The following KLF12 variants were observed in gnomAD, a reference collection of about 807,000 sequenced individuals.
The protein encoded by KLF12 is Krueppel-like factor 12.
Under a neutral mutation model 37.8 loss-of-function variants are expected in KLF12, and 9 were observed. The ratio of observed to expected loss-of-function variants is 0.24; its 90% CI spans 0.14 to 0.42. The LOEUF is 0.42. Among genes scored for constraint, KLF12 ranks in the 10% least tolerant of loss-of-function variants. The pLI is 1.00. For synonymous variants in KLF12, 208 were observed against 202.1 expected (o/e 1.03, Z -0.25); for missense variants, 411 against 516.0 (o/e 0.80, Z 1.97).
chr13:74,066,446 G>C (rs1463894462), intron 1 of KLF12, among the ~76,000 whole-genome samples: 1 of 152,082 alleles, frequency 6.6e-6, no homozygotes, highest in East Asian at 1.9e-4. Flanking sequence ...AGGATCGCTT[G>C]AGCTCAGGAG....
At chr13:73,998,292 T>C (rs930281161) in intron 1 of KLF12, among the ~76,000 whole-genome samples, 1 of 152,298 alleles carries the variant, frequency 6.6e-6, no homozygotes, top group African/African-American at 2.4e-5. Context: ...AAGGTTAGTG[T>C]TTAATACATT....
intron 5 of KLF12, among the ~76,000 whole-genome samples, chr13:73,794,970 CTT>C (rs1335327521): frequency 2.0e-5 from 3 of 152,178 alleles, no homozygotes; most frequent in Non-Finnish European, 4.4e-5. Context: ...ACAGACGCGT[CTT>C]TGTGCTCCTG....
At chr13:73,829,096 C>T (rs1160067228) in intron 4 of KLF12, among the ~76,000 whole-genome samples, 2 of 152,126 alleles carry the variant, frequency 1.3e-5, no homozygotes, top group Non-Finnish European at 2.9e-5. Context: ...GAGCTTGTCT[C>T]ACTGTGGCTT....
the KLF12 span, among the ~76,000 whole-genome samples, chr13:74,278,372 G>T: frequency 6.6e-6 from 1 of 152,294 alleles, no homozygotes; most frequent in East Asian, 1.9e-4. Context: ...AGTGGAAACT[G>T]TCATGTGTTC....
At chr13:73,893,662 G>A (rs542358825) in intron 3 of KLF12, among the ~76,000 whole-genome samples, 12 of 152,210 alleles carry the variant, frequency 7.9e-5, no homozygotes, top group East Asian at 1.9e-4. Flanking sequence ...GATTACAGGC[G>A]TGAGCCACCA....
the KLF12 span, among the ~76,000 whole-genome samples, chr13:74,288,617 A>T: frequency 1.3e-5 from 2 of 152,168 alleles, no homozygotes; most frequent in South Asian, 2.1e-4. Context: ...AAGGGCTAGG[A>T]TTAGGCAGAA....
chr13:74,133,979 A>T (rs1213572881), upstream of KLF12, among the ~76,000 whole-genome samples: 2 of 152,146 alleles, frequency 1.3e-5, no homozygotes, highest in African/African-American at 4.8e-5. Context: ...TACCCGGATC[A>T]CATGATGCGC....
Position 73,893,197 on chromosome 13 carries a change from A to C in KLF12, c.124-46824T>G, listed in dbSNP as rs567284558. Among the ~76,000 whole-genome samples, 24 of 152,058 alleles carry C rather than the reference A, an allele frequency of 1.6e-4. No individual in the cohort carries two copies. In the East Asian group the frequency reaches 4.3e-3, roughly 27 times the overall value. The stretch of plus-strand genomic sequence containing the variant: ...CTGGGTCAGAGAGAGGGGCACCTTC[A>C]AATCTCTTTTCTAATGACTAAATAA... On this transcript the variant is annotated intron_variant, in intron 3 of 7. Transcript: ENST00000377669.
chr13:74,288,125 G>C, the KLF12 span, among the ~76,000 whole-genome samples: 1 of 152,096 alleles, frequency 6.6e-6, no homozygotes, highest in Admixed American at 6.6e-5. Context: ...TCAGAGTTCA[G>C]ATAAAAAGGG....
chr13:74,076,818 C>A (rs1456613983), intron 1 of KLF12, among the ~76,000 whole-genome samples: 1 of 152,028 alleles, frequency 6.6e-6, no homozygotes, highest in East Asian at 1.9e-4. Flanking sequence ...TCAAGTCGAC[C>A]CCAGTGTCTG....
intron 2 of KLF12, among the ~76,000 whole-genome samples, chr13:73,949,990 A>G (rs1890584765): frequency 6.6e-6 from 1 of 152,204 alleles, no homozygotes; most frequent in African/African-American, 2.4e-5. Flanking sequence ...TTCTTCTGAA[A>G]TATTTGTCTT....
intron 5 of KLF12, chr13:73,800,791 TATATC>T (rs1882243427): frequency 6.6e-6 from 1 of 152,138 alleles, no homozygotes; most frequent in Non-Finnish European, 1.5e-5. Flanking sequence ...ATATTAATGA[TATATC>T]AGATAGTTTT....
At position 73,934,099 on chromosome 13, in the gene KLF12, A is replaced by G. The variant is rs1205013111; in HGVS notation, c.123+9882T>C. The stretch of plus-strand genomic sequence containing the variant: ...TTACTCTAGAATGTACCATCTTGCT[A>G]TCTGTACTCTGTTCCTTTTGACTTT... On this transcript the variant is annotated intron_variant, in intron 3 of 7. Transcript: ENST00000377669. Among the ~76,000 whole-genome samples, 4 of 152,096 alleles carry G rather than the reference A, an allele frequency of 2.6e-5. No homozygotes were observed. The East Asian group carries it at 7.7e-4, about 29-fold the overall frequency.
At chr13:73,963,284 T>C (rs1471661828) in intron 2 of KLF12, among the ~76,000 whole-genome samples, 1 of 145,164 alleles carries the variant, frequency 6.9e-6, no homozygotes, top group Non-Finnish European at 1.5e-5. Flanking sequence ...GAGTCATTTA[T>C]ACACACACAC....
intron 1 of KLF12, among the ~76,000 whole-genome samples, chr13:74,107,471 A>G (rs1876718181): frequency 6.6e-6 from 1 of 152,242 alleles, no homozygotes; most frequent in South Asian, 2.1e-4. Context: ...GTAAAAAGGA[A>G]AGTTAACTCT....
At chr13:73,901,656 T>C (rs916737108) in intron 3 of KLF12, among the ~76,000 whole-genome samples, 4 of 152,176 alleles carry the variant, frequency 2.6e-5, no homozygotes, top group African/African-American at 7.2e-5. Flanking sequence ...TCTTGCTCCC[T>C]TGGCTCAACT....
intron 1 of KLF12, among the ~76,000 whole-genome samples, chr13:74,012,043 T>C (rs1468293632): frequency 2.0e-5 from 3 of 152,170 alleles, no homozygotes; most frequent in South Asian, 2.1e-4. Context: ...CCTTAAAACA[T>C]CCACTAAACT....
intron 3 of KLF12, among the ~76,000 whole-genome samples, chr13:73,899,056 C>T (rs1887919461): frequency 6.6e-6 from 1 of 152,204 alleles, no homozygotes; most frequent in South Asian, 2.1e-4. Flanking sequence ...AAAGTCATGC[C>T]ATCACCAGAT....
At chr13:73,881,389 C>A (rs1886972341) in intron 3 of KLF12, among the ~76,000 whole-genome samples, 1 of 151,936 alleles carries the variant, frequency 6.6e-6, no homozygotes, top group African/African-American at 2.4e-5. Context: ...TATAAAGGAG[C>A]TAAAAATTTT....
Sources: gnomAD v4.1 joint callset for allele counts (sites outside exome capture counted in the v4.1 genomes callset) on GRCh38, gnomAD v4.1.1 for gene constraint, MANE v1.5 for transcripts, NCBI Gene and HGNC (gene_info 2026-07-23, HGNC 2026-07-21) for gene names.